OFD1: variants seen among roughly 807,000 people sequenced by gnomAD.
OFD1 encodes OFD1 centriole and centriolar satellite protein, also known as centriole and centriolar satellite protein OFD1.
Under a neutral mutation model 81.4 loss-of-function variants are expected in OFD1, and 12 were observed. That is an observed-to-expected ratio of 0.15 (90% CI 0.09 to 0.24). The LOEUF (loss-of-function observed/expected upper bound fraction) is 0.24, where lower values mean the gene tolerates loss of function less well. Ranked by LOEUF, OFD1 falls within the 10% of genes least tolerant of loss-of-function variation. The pLI is 1.00. For synonymous variants in OFD1, 256 were observed against 263.7 expected (o/e 0.97, Z 0.28); for missense variants, 685 against 733.9 (o/e 0.93, Z 0.77).
Position 13,761,175 on chromosome X carries a change from T to G in OFD1, c.2351T>G (p.Ile784Ser), listed in dbSNP as rs2047912842. 3 of 1,210,953 alleles carry G rather than the reference T, an allele frequency of 2.5e-6. No individual in the cohort carries two copies. Among genetic ancestry groups the G allele is most frequent in the Admixed American group, 2.2e-5 (1 of 46,017 alleles). The change falls in exon 17 of 23, where the codon ATC (isoleucine) becomes AGC (serine). Residue 784 changes from isoleucine (I) to serine (S), a missense_variant. Physicochemically the swap from Ile to Ser is moderately radical, Grantham distance 142. This residue lies in a region of OFD1 where 259 missense variants were observed against 254.4 expected (regional missense o/e 1.02). Transcript: ENST00000340096. ...SPTESRHSLSIPPVSSPPEQK... is the reference protein window; with the variant it reads ...SPTESRHSLSSPPVSSPPEQK... Reference sequence around the variant, plus strand: ...ACTGAGTCTAGGCACAGCCTCTCCATCCCTCCTGTCTCCAGCCCTCCGGAG... The same window carrying G: ...ACTGAGTCTAGGCACAGCCTCTCCAGCCCTCCTGTCTCCAGCCCTCCGGAG...
Position 13,768,041 on chromosome X carries a change from G to A in OFD1, c.2758-13G>A, listed in dbSNP as rs1240439286. The A allele has an allele frequency of 8.5e-7, 1 of 1,170,411 alleles. No homozygotes were observed. Among genetic ancestry groups the A allele is most frequent in the African/African-American group, 1.8e-5 (1 of 56,770 alleles). ...GTATTTGTGTATTTTCTGTTTTGGT[G>A]CCTGTTTTATAGAAGATGATTGAAG... On this transcript the variant is annotated splice_polypyrimidine_tract_variant and intron_variant, in intron 20 of 22. Coordinates refer to ENST00000340096, the MANE Select transcript of OFD1 (RefSeq NM_003611.3).
At position 13,768,214 on chromosome X, in the gene OFD1, C is replaced by T. The variant is rs1801618; in HGVS notation, c.2918C>T (p.Ser973Leu). ...ATCCAGCAGGAGCAAGACCAGGAGTCGGCAGATAAGGTGCCAGTGCCATGG... is the reference window on the plus strand; with the variant it reads ...ATCCAGCAGGAGCAAGACCAGGAGTTGGCAGATAAGGTGCCAGTGCCATGG... ...KIIQQEQDQESADKSSKKMVQ... is the reference protein window; with the variant it reads ...KIIQQEQDQELADKSSKKMVQ... Residue 973 changes from serine (S) to leucine (L), a missense_variant, in exon 21 of 23, where the codon TCG becomes TTG. Ser to Leu is a moderately radical substitution (Grantham distance 145, BLOSUM62 -2). Coordinates refer to ENST00000340096, the MANE Select transcript of OFD1 (RefSeq NM_003611.3). 6 of 1,207,728 alleles carry T rather than the reference C, an allele frequency of 5.0e-6. No individual in the cohort carries two copies. The highest frequency in any genetic ancestry group is 3.0e-5 in the East Asian group (1 of 33,847).
At chrX:13,717,382 T>C in the OFD1 span, among the ~76,000 whole-genome samples, 1 of 112,262 alleles carries the variant, frequency 8.9e-6, no homozygotes, top group Non-Finnish European at 1.9e-5. Context: ...TGGGACTGTC[T>C]GACCATAATG....
chrX:13,751,009 C>G (rs1470485641), intron 9 of OFD1, among the ~76,000 whole-genome samples: 1 of 111,698 alleles, frequency 9.0e-6, no homozygotes, highest in Non-Finnish European at 1.9e-5. Flanking sequence ...AACCACTTCC[C>G]TCTTGAGACT....
At chrX:13,750,974 G>GT (rs1422454681) in intron 9 of OFD1, among the ~76,000 whole-genome samples, 1 of 111,953 alleles carries the variant, frequency 8.9e-6, no homozygotes, top group African/African-American at 3.2e-5. Flanking sequence ...TATAACCATT[G>GT]TTTGAGTGTT....
chrX:13,751,426 A>G (rs760101617), intron 10 of OFD1, 58 bp downstream of exon 10: 2 of 1,016,245 alleles, frequency 2.0e-6, no homozygotes, highest in South Asian at 4.1e-5. Context: ...GTAGAAACAT[A>G]ACAAAAACTG....
downstream of OFD1, among the ~76,000 whole-genome samples, chrX:13,770,278 G>A (rs904656337): frequency 4.5e-5 from 5 of 112,067 alleles, no homozygotes; most frequent in African/African-American, 1.3e-4. Flanking sequence ...ATACTAAGTA[G>A]TGTGACAAAT....
At position 13,749,456 on chromosome X, in the gene OFD1, G is replaced by A. The variant is rs778507612; in HGVS notation, c.858G>A (p.Arg286=). ...EIETKEIYAQ[R]QLLLKDMDLL... ...AAACAAAAGAAATTTATGCTCAAAG[G>A]CAACTTTTACTAAAAGATATGGATT... The change falls in exon 9 of 23, where the codon AGG becomes AGA. Residue 286 remains arginine (R), a synonymous_variant. Transcript: ENST00000340096. 207 of 1,192,536 alleles carry A rather than the reference G, an allele frequency of 1.7e-4. No homozygotes were observed. Among genetic ancestry groups the A allele is most frequent in the Non-Finnish European group, 2.3e-4 (200 of 880,243 alleles).
At position 13,760,236 on chromosome X, in the gene OFD1, T is replaced by G. The variant is rs1279305305; in HGVS notation, c.1776T>G (p.Asn592Lys). ...NGEISGDFLN[N>K]PFKQENVLAR... ...AGATAAGTGGGGATTTCTTGAACAA[T>G]CCTTTTAAACAGGAAAACGTTCTAG... Residue 592 changes from asparagine (N) to lysine (K), a missense_variant, in exon 16 of 23, where the codon AAT (asparagine) becomes AAG (lysine). Asn to Lys is a moderately conservative substitution (Grantham distance 94). Coordinates refer to ENST00000340096, the MANE Select transcript of OFD1 (RefSeq NM_003611.3). 1.7e-6 allele frequency: 2 copies of G among 1,211,634 alleles called. No homozygotes were observed. The highest frequency in any genetic ancestry group is 3.5e-5 in the South Asian group (2 of 56,985).
intron 5 of OFD1, among the ~76,000 whole-genome samples, chrX:13,742,830 C>T (rs1002295821): frequency 3.6e-5 from 4 of 111,308 alleles, no homozygotes; most frequent in Admixed American, 1.9e-4. Flanking sequence ...TGCCAAAAGA[C>T]GCTGTTAAGA....
chrX:13,734,720 TATTTAG>T (rs1306140666), upstream of OFD1: 8 of 1,002,547 alleles, frequency 8.0e-6, no homozygotes, highest in African/African-American at 1.6e-4. Context: ...GGGAAGGCTA[TATTTAG>T]CAGGTTTCCG....
At position 13,768,722 on chromosome X, in the gene OFD1, CA is replaced by C; in HGVS notation, c.2939del (p.Lys980ArgfsTer8). The C allele has an allele frequency of 8.3e-7, 1 of 1,208,281 alleles. No homozygotes were observed. The highest frequency in any genetic ancestry group is 1.1e-6 in the Non-Finnish European group (1 of 892,493). ...EQDQESADKS[S>X]KKMVQEGSLV... ...CCACCCTCTCCATGTAATCAGAGCT[CA>C]AAAAAGATGGTCCAAGAAGGCTCCC... On this transcript the variant is annotated frameshift_variant, in exon 22 of 23. Transcript: ENST00000340096. LOFTEE classifies it high-confidence loss of function.
At chrX:13,754,417 T>C (rs1311594290) in intron 11 of OFD1, among the ~76,000 whole-genome samples, 1 of 107,168 alleles carries the variant, frequency 9.3e-6, no homozygotes, top group Non-Finnish European at 1.9e-5. Flanking sequence ...TACTGTCTTT[T>C]TTTTTTTTTT....
chrX:13,748,837 C>T (rs988505943), intron 8 of OFD1, among the ~76,000 whole-genome samples: 2 of 111,036 alleles, frequency 1.8e-5, no homozygotes, highest in African/African-American at 3.3e-5. Context: ...TAGGTAAGGG[C>T]GCCAGGTGTG....
chrX:13,739,450 T>A (rs1388424222), intron 5 of OFD1: 1 of 129,664 alleles, frequency 7.7e-6, no homozygotes, highest in Non-Finnish European at 1.5e-5. Flanking sequence ...CTTTTGTTCT[T>A]AAATGTTTAT....
chrX:13,720,353 C>T, the OFD1 span: 1 of 116,844 alleles, frequency 8.6e-6, no homozygotes, highest in African/African-American at 3.3e-5. Context: ...AGCACGGACA[C>T]CTAGAAGGAT....
chrX:13,717,060 AAAAACAAG>A, the OFD1 span, among the ~76,000 whole-genome samples: 1 of 104,772 alleles, frequency 9.5e-6, no homozygotes, highest in African/African-American at 3.5e-5. Context: ...AAAAAAAAAA[AAAAACAAG>A]ATCCTGTGGA....
At chrX:13,719,391 C>CT in the OFD1 span, among the ~76,000 whole-genome samples, 1 of 111,182 alleles carries the variant, frequency 9.0e-6, no homozygotes. Flanking sequence ...CAAGGTGTCA[C>CT]TGGGGAGGGG....
downstream of OFD1, among the ~76,000 whole-genome samples, chrX:13,770,866 C>T (rs1480807088): frequency 8.9e-6 from 1 of 112,027 alleles, no homozygotes; most frequent in African/African-American, 3.3e-5. Flanking sequence ...AATCTTGACT[C>T]TGCACATTAT....
Sources: allele counts gnomAD v4.1 joint callset (sites outside exome capture counted in the v4.1 genomes callset), GRCh38; gene constraint gnomAD v4.1.1; regional missense constraint gnomAD v4.1.1; transcripts MANE v1.5; gene names NCBI Gene and HGNC (gene_info 2026-07-23, HGNC 2026-07-21).